Variants in AXDND1 observed in about 807,000 individuals in gnomAD.
The protein encoded by AXDND1 is axonemal dynein light chain domain containing 1.
In AXDND1, 110 loss-of-function variants were observed where a neutral mutation model predicts 137.5. The observed-to-expected ratio is 0.80, with a 90% confidence interval of 0.69 to 0.94. The LOEUF (loss-of-function observed/expected upper bound fraction) is 0.94. Among genes scored for constraint, AXDND1 ranks in the 40% least tolerant of loss-of-function variants. The pLI is 0.00. For synonymous variants in AXDND1, 414 were observed against 399.7 expected, an observed-to-expected ratio of 1.04 and a Z score of -0.43; for missense variants, 1,191 against 1,169.8, an observed-to-expected ratio of 1.02 and a Z score of -0.26.
chr1:179,482,738 T>C (rs6680478), intron 17 of AXDND1, among the ~76,000 whole-genome samples: 99,482 of 151,370 alleles, frequency 0.66, 32,787 homozygotes, highest in East Asian at 0.85. Context: ...GGGTGGTGGG[T>C]GGTGGAAAGG....
intron 18 of AXDND1, among the ~76,000 whole-genome samples, chr1:179,489,810 G>T (rs1461563377): frequency 7.6e-6 from 1 of 131,628 alleles, no homozygotes; most frequent in African/African-American, 2.9e-5. Context: ...CAGTGGAACC[G>T]TCTCGGCTCA....
chr1:179,466,980 G>T lies in AXDND1; in HGVS notation c.1799-1463G>T, dbSNP rs999402065. ...AGATGTAATGCTTCAGAGAATTAGG[G>T]GTCCCAATAGTATCCTGGTGTTACC... On this transcript the variant is annotated intron_variant, in intron 16 of 25. Transcript: ENST00000367618. Among the ~76,000 whole-genome samples the T allele has an allele frequency of 5.3e-5, 8 of 152,032 alleles. No homozygotes were observed. The East Asian group carries it at 1.5e-3, about 29-fold the overall frequency.
Position 179,424,709 on chromosome 1 carries a change from C to T in AXDND1, c.1231-4809C>T, listed in dbSNP as rs563456368. Among the ~76,000 whole-genome samples, 6 of 152,174 alleles carry T rather than the reference C, an allele frequency of 3.9e-5. No individual in the cohort carries two copies. In the East Asian group the frequency reaches 5.8e-4, roughly 15 times the overall value. The stretch of plus-strand genomic sequence containing the variant: ...CCTCCCAAAGTGCTAGGATTGCAGG[C>T]GTGAGCCACCATGCCTGGCTGATTC... On this transcript the variant is annotated intron_variant, in intron 12 of 25. Coordinates refer to ENST00000367618, the MANE Select transcript of AXDND1 (RefSeq NM_144696.6).
intron 12 of AXDND1, among the ~76,000 whole-genome samples, chr1:179,429,195 T>C (rs1367954374): frequency 1.3e-5 from 2 of 149,514 alleles, no homozygotes; most frequent in African/African-American, 4.9e-5. Context: ...AAATATCTAG[T>C]TTAATTTCCA....
intron 16 of AXDND1, among the ~76,000 whole-genome samples, chr1:179,447,366 A>G (rs1342139245): frequency 1.3e-5 from 2 of 152,234 alleles, no homozygotes; most frequent in African/African-American, 4.8e-5. Context: ...CTCCAGTTCC[A>G]TCCATGTTCA....
chr1:179,483,152 C>A lies in AXDND1; in HGVS notation c.2022C>A (p.Asn674Lys), dbSNP rs781370952. 6.2e-7 allele frequency: 1 copy of A among 1,606,978 alleles called. No homozygotes were observed. Among genetic ancestry groups the A allele is most frequent in the Non-Finnish European group, 8.5e-7 (1 of 1,176,324 alleles). ...SVSVLQAYIF[N>K]MIQQWLLKIG... ...GGGTACTCCAAGCGTATATATTTAA[C>A]ATGATTCAACAATGGCTTTTGAAGA... The change falls in exon 18 of 26, where the codon AAC (asparagine) becomes AAA (lysine). Residue 674 changes from asparagine (N) to lysine (K), a missense_variant. By Grantham distance (94) the Asn-to-Lys change is moderately conservative (BLOSUM62 0). Coordinates refer to ENST00000367618, the MANE Select transcript of AXDND1 (RefSeq NM_144696.6).
chr1:179,413,569 C>A (rs1654224147), intron 12 of AXDND1, among the ~76,000 whole-genome samples: 1 of 152,190 alleles, frequency 6.6e-6, no homozygotes, highest in Non-Finnish European at 1.5e-5. Flanking sequence ...TGCTTCAAAG[C>A]ATATAATTTC....
In AXDND1 at chr1:179,481,614, G is replaced by T. The variant is rs552052600; in HGVS notation, c.1998-1514G>T. Among the ~76,000 whole-genome samples, 210 of 152,302 alleles carry T rather than the reference G, an allele frequency of 1.4e-3. 1 individual carries two copies. The highest frequency in any genetic ancestry group is 6.8e-3 in the Middle Eastern group (2 of 294). ...ACAGTCCCACCAACAGTGTAAAAGT[G>T]TTCCTATTTCCCCACATCCTCTCCA... On this transcript the variant is annotated intron_variant, in intron 17 of 25. Coordinates refer to ENST00000367618, the MANE Select transcript of AXDND1 (RefSeq NM_144696.6).
intron 25 of AXDND1, chr1:179,548,973 C>T (rs941843000): frequency 1.3e-5 from 2 of 152,172 alleles, no homozygotes; most frequent in Non-Finnish European, 1.5e-5. Context: ...CTCCAAATGC[C>T]CTGGAACACC....
At chr1:179,409,057 C>T (rs1301109267) in intron 11 of AXDND1, among the ~76,000 whole-genome samples, 2 of 136,550 alleles carry the variant, frequency 1.5e-5, no homozygotes, top group African/African-American at 5.7e-5. Context: ...GCAATATATT[C>T]ATTTTAATGA....
chr1:179,532,462 C>G (rs371231041), intron 23 of AXDND1, among the ~76,000 whole-genome samples: 1 of 152,130 alleles, frequency 6.6e-6, no homozygotes, highest in East Asian at 1.9e-4. Context: ...ACAGCCACAC[C>G]ACATACCTTA....
At chr1:179,528,871 C>A in intron 23 of AXDND1, among the ~76,000 whole-genome samples, 1 of 152,182 alleles carries the variant, frequency 6.6e-6, no homozygotes, top group Non-Finnish European at 1.5e-5. Context: ...GGACTGCAGA[C>A]GCGAGCTATT....
At chr1:179,529,168 C>G (rs984493015) in intron 23 of AXDND1, among the ~76,000 whole-genome samples, 11 of 152,238 alleles carry the variant, frequency 7.2e-5, no homozygotes, top group African/African-American at 2.2e-4. Context: ...GTCTTACTCT[C>G]TACAGAACAC....
chr1:179,417,966 TTTTATTTA>T (rs1231360690), intron 12 of AXDND1, among the ~76,000 whole-genome samples: 1 of 150,788 alleles, frequency 6.6e-6, no homozygotes, highest in Non-Finnish European at 1.5e-5. Context: ...GCTATTTTAT[TTTTATTTA>T]TTTATTTTTA....
rs1396695712 is a variant in AXDND1 at position 179,383,551 on chromosome 1, G to T, written c.741+7G>T. 1.2e-6 allele frequency: 2 copies of T among 1,606,012 alleles called. No individual in the cohort carries two copies. The highest frequency in any genetic ancestry group is 2.2e-5 in the South Asian group (2 of 90,766). On this transcript the variant is annotated splice_region_variant and intron_variant, in intron 8 of 25. Coordinates refer to ENST00000367618, the MANE Select transcript of AXDND1 (RefSeq NM_144696.6). ...ATATACAGGACCAACGAAGGTAATT[G>T]CAAAGCCGAATGCAACCTGGTGGCT...
chr1:179,482,342 C>A (rs1572025464), intron 17 of AXDND1, among the ~76,000 whole-genome samples: 2 of 151,928 alleles, frequency 1.3e-5, no homozygotes, highest in African/African-American at 2.4e-5. Context: ...TCTCAGCATG[C>A]TATGCATAGG....
At chr1:179,517,124 G>A (rs890566329) in intron 21 of AXDND1, among the ~76,000 whole-genome samples, 6 of 152,230 alleles carry the variant, frequency 3.9e-5, no homozygotes, top group Non-Finnish European at 8.8e-5. Context: ...AGGTCTTGCT[G>A]TGGCTGCTGT....
intron 4 of AXDND1, among the ~76,000 whole-genome samples, chr1:179,376,356 A>G (rs1647262369): frequency 6.6e-6 from 1 of 152,150 alleles, no homozygotes. Flanking sequence ...ATATATGGAA[A>G]GTTGGCCCTC....
intron 16 of AXDND1, among the ~76,000 whole-genome samples, chr1:179,467,390 C>T (rs547754665): frequency 9.9e-5 from 15 of 151,686 alleles, no homozygotes; most frequent in South Asian, 2.1e-4. Flanking sequence ...TTCAAGCAAC[C>T]GTGGATCAAA....
Sources: gnomAD v4.1 joint callset for allele counts (sites outside exome capture counted in the v4.1 genomes callset) on GRCh38, gnomAD v4.1.1 for gene constraint, MANE v1.5 for transcripts, NCBI Gene and HGNC (gene_info 2026-07-23, HGNC 2026-07-21) for gene names.